The following KANTR variants were observed in gnomAD, a reference collection of about 807,000 sequenced individuals.
The protein encoded by KANTR is KDM5C adjacent transcript.
At chrX:53,116,605 A>C (rs1206975740) in intron 2 of KANTR, among the ~76,000 whole-genome samples, 6 of 111,160 alleles carry the variant, frequency 5.4e-5, no homozygotes, top group African/African-American at 2.0e-4. Flanking sequence ...GGGAGGGAGG[A>C]TGGGGATCAC....
intron 2 of KANTR, among the ~76,000 whole-genome samples, chrX:53,118,616 C>A (rs1052981309): frequency 2.7e-5 from 3 of 110,090 alleles, no homozygotes; most frequent in Non-Finnish European, 5.7e-5. Context: ...CAAAAATTAC[C>A]CGGGTGTGGT....
At chrX:53,121,911 C>A (rs1556815561) in intron 2 of KANTR, among the ~76,000 whole-genome samples, 3 of 111,375 alleles carry the variant, frequency 2.7e-5, no homozygotes, top group African/African-American at 9.8e-5. Flanking sequence ...TGCTGCCTTT[C>A]CCTTTTCATA....
At chrX:53,143,815 G>A (rs147062740), downstream of KANTR, 2,811 of 494,362 alleles carry the variant, frequency 5.7e-3, 14 homozygotes, top group Middle Eastern at 0.011. Context: ...CCTGATGATG[G>A]AGGGGAACAC....
At chrX:53,122,903 G>T (rs1933245550) in intron 2 of KANTR, among the ~76,000 whole-genome samples, 1 of 110,865 alleles carries the variant, frequency 9.0e-6, no homozygotes, top group African/African-American at 3.3e-5. Context: ...TGTTCTTATT[G>T]GCTTTTGGCA....
At position 53,105,951 on chromosome X, in the gene KANTR, G is replaced by A. The variant is rs1932947697; in HGVS notation, c.-805+6343G>A. On this transcript the variant is annotated intron_variant, in intron 2 of 2. Transcript: ENST00000604062. ...CGGCTCACTGCAAGCTCCGCCTCCT[G>A]GGTTCACGCCATTCTCCTGCCTCAG... Among the ~76,000 whole-genome samples, 4 of 97,869 alleles carry A rather than the reference G, an allele frequency of 4.1e-5. No homozygotes were observed. In the East Asian group the frequency reaches 9.3e-4, roughly 23 times the overall value. The allele number at this position is 97,869 out of a possible 115,157, so 85.0% of individuals were successfully genotyped here. A position where few individuals can be genotyped will look rare whatever the true frequency, so the allele number is the denominator to read the frequency against.
chrX:53,112,208 T>C (rs953738492), intron 2 of KANTR, among the ~76,000 whole-genome samples: 4 of 111,630 alleles, frequency 3.6e-5, no homozygotes, highest in Non-Finnish European at 7.5e-5. Flanking sequence ...CCACTTATGA[T>C]TGAGAACATA....
intron 2 of KANTR, among the ~76,000 whole-genome samples, chrX:53,118,536 A>C (rs1390243832): frequency 9.0e-6 from 1 of 111,171 alleles, no homozygotes; most frequent in Non-Finnish European, 1.9e-5. Flanking sequence ...CAAGGAAGGC[A>C]GATCACTTGA....
At chrX:53,113,038 G>T in intron 2 of KANTR, 1 of 198,467 alleles carries the variant, frequency 5.0e-6, no homozygotes, top group Non-Finnish European at 1.0e-5. Flanking sequence ...AGAGTACCTT[G>T]TGAGCATGAG....
At chrX:53,129,323 T>G (rs1018617457), downstream of KANTR, among the ~76,000 whole-genome samples, 4 of 107,967 alleles carry the variant, frequency 3.7e-5, no homozygotes, top group Non-Finnish European at 7.7e-5. Flanking sequence ...TCTCCTGACC[T>G]CGTGATCCGC....
At chrX:53,113,650 G>A (rs1203212030) in intron 2 of KANTR, among the ~76,000 whole-genome samples, 1 of 101,916 alleles carries the variant, frequency 9.8e-6, no homozygotes, top group Non-Finnish European at 2.0e-5. Context: ...CGCGATCTCG[G>A]CTCACTGCAA....
intron 2 of KANTR, among the ~76,000 whole-genome samples, chrX:53,118,030 A>C (rs2072645749): frequency 8.9e-6 from 1 of 112,214 alleles, no homozygotes; most frequent in Admixed American, 9.5e-5. Context: ...TTGGGTGACC[A>C]TAAGACAAAT....
intron 2 of KANTR, among the ~76,000 whole-genome samples, chrX:53,132,962 A>T (rs782722739): frequency 1.5e-3 from 168 of 111,821 alleles, no homozygotes; most frequent in African/African-American, 5.2e-3. Flanking sequence ...CCAAATACAC[A>T]CCTTACAGAA....
intron 2 of KANTR, among the ~76,000 whole-genome samples, chrX:53,122,777 T>A (rs1463373755): frequency 8.9e-6 from 1 of 112,407 alleles, no homozygotes; most frequent in Non-Finnish European, 1.9e-5. Flanking sequence ...TCTTTGCATT[T>A]CTTGTATAAA....
At chrX:53,121,779 A>G (rs782253016) in intron 2 of KANTR, among the ~76,000 whole-genome samples, 1 of 111,688 alleles carries the variant, frequency 9.0e-6, no homozygotes, top group African/African-American at 3.3e-5. Flanking sequence ...AGAACACCAG[A>G]GTTTAAATGC....
At chrX:53,146,277 C>T (rs1933574218), downstream of KANTR, among the ~76,000 whole-genome samples, 1 of 111,604 alleles carries the variant, frequency 9.0e-6, no homozygotes, top group African/African-American at 3.3e-5. Context: ...ACTAGAATAA[C>T]CAATGCAGAG....
At chrX:53,134,699 AG>A (rs1383302995) in intron 2 of KANTR, among the ~76,000 whole-genome samples, 1 of 111,717 alleles carries the variant, frequency 9.0e-6, no homozygotes, top group Non-Finnish European at 1.9e-5. Flanking sequence ...TCTGCCTATG[AG>A]GGGGTGGGTG....
At chrX:53,145,561 C>CG (rs1556819210), downstream of KANTR, among the ~76,000 whole-genome samples, 2 of 112,196 alleles carry the variant, frequency 1.8e-5, no homozygotes, top group Admixed American at 1.9e-4. Flanking sequence ...TCTGTAGACT[C>CG]CACCTCTGGG....
intron 2 of KANTR, among the ~76,000 whole-genome samples, chrX:53,140,791 A>G (rs1933492407): frequency 8.9e-6 from 1 of 112,042 alleles, no homozygotes; most frequent in Non-Finnish European, 1.9e-5. Flanking sequence ...AGAGTTATCA[A>G]TAGTTATAAT....
At chrX:53,142,972 G>T, downstream of KANTR, 10 of 981,994 alleles carry the variant, frequency 1.0e-5, no homozygotes, top group Non-Finnish European at 1.2e-5. Flanking sequence ...GATCTTCATG[G>T]TGCTGGATGC....
Sources: allele counts gnomAD v4.1 joint callset (sites outside exome capture counted in the v4.1 genomes callset), GRCh38; gene constraint gnomAD v4.1.1; transcripts MANE v1.5; gene names NCBI Gene and HGNC (gene_info 2026-07-23, HGNC 2026-07-21).